Variants in ADCY2 observed in about 807,000 individuals in gnomAD.
The protein encoded by ADCY2 is adenylate cyclase 2, also known as adenylate cyclase type 2.
In ADCY2, 31 loss-of-function variants were observed where a neutral mutation model predicts 125.2. The observed-to-expected ratio is 0.25, with a 90% CI of 0.19 to 0.33. ADCY2 has a LOEUF of 0.33. ADCY2 is among the 10% of genes least tolerant of loss of function. ADCY2 has a pLI of 1.00. For missense variants in ADCY2, 904 were observed against 1,418.2 expected, an observed-to-expected ratio of 0.64 and a Z score of 5.82; for synonymous variants, 512 against 548.4, an observed-to-expected ratio of 0.93 and a Z score of 0.93.
rs184174801 is a variant in ADCY2 at position 7,677,665 on chromosome 5, G to T, written c.721-13026G>T. 1.1e-4 allele frequency among the ~76,000 whole-genome samples: 17 copies of T among 152,324 alleles called. 1 individual carries two copies. In the East Asian group the frequency reaches 3.1e-3, roughly 28 times the overall value. On this transcript the variant is annotated intron_variant, in intron 4 of 24. Coordinates refer to ENST00000338316, the MANE Select transcript of ADCY2 (RefSeq NM_020546.3). ...AAAGACATGTCACTGGGGCCAGCTT[G>T]TAGGGTCAGCCCACCTTCCAGCCGA...
intron 2 of ADCY2, among the ~76,000 whole-genome samples, chr5:7,451,765 T>C (rs530538220): frequency 5.3e-5 from 8 of 152,310 alleles, no homozygotes; most frequent in African/African-American, 1.7e-4. Context: ...CTTTATCCTT[T>C]TAAATTTTTT....
At chr5:7,735,414 GA>G (rs748394654) in intron 14 of ADCY2, among the ~76,000 whole-genome samples, 2 of 152,202 alleles carry the variant, frequency 1.3e-5, no homozygotes, top group Admixed American at 6.5e-5. Context: ...AATCTGAAGA[GA>G]AAAGCATTCA....
In ADCY2 at chr5:7,537,730, G is replaced by A. The variant is rs550428457; in HGVS notation, c.570+16831G>A. On this transcript the variant is annotated intron_variant, in intron 3 of 24. Transcript: ENST00000338316. ...AGCTTTCTAGTACCTGCAGAACAAA[G>A]TAGTCCACATCTCTTGGTGCGGCAT... Among the ~76,000 whole-genome samples the A allele has an allele frequency of 3.3e-5, 5 of 152,328 alleles. No individual in the cohort carries two copies. The East Asian group carries it at 9.7e-4, about 29-fold the overall frequency.
At chr5:7,503,658 A>G (rs1029600062) in intron 2 of ADCY2, among the ~76,000 whole-genome samples, 1 of 152,190 alleles carries the variant, frequency 6.6e-6, no homozygotes, top group Non-Finnish European at 1.5e-5. Flanking sequence ...ACTGTTGCAC[A>G]GTTATGTCAG....
intron 7 of ADCY2, among the ~76,000 whole-genome samples, chr5:7,702,516 A>T (rs1329281893): frequency 6.6e-6 from 1 of 151,970 alleles, no homozygotes; most frequent in Non-Finnish European, 1.5e-5. Flanking sequence ...GCTGAGAATG[A>T]TGGTTTCCAG....
At chr5:7,537,810 C>T (rs1561081028) in intron 3 of ADCY2, among the ~76,000 whole-genome samples, 1 of 152,198 alleles carries the variant, frequency 6.6e-6, no homozygotes, top group African/African-American at 2.4e-5. Flanking sequence ...CCCTCCCTTC[C>T]CTTGCATGGA....
chr5:7,769,912 C>T (rs916345684), intron 17 of ADCY2, among the ~76,000 whole-genome samples: 3 of 152,180 alleles, frequency 2.0e-5, no homozygotes, highest in Non-Finnish European at 4.4e-5. Context: ...TAAGTACACT[C>T]CAATAGAAGT....
At chr5:7,403,849 C>T (rs2111444418) in intron 1 of ADCY2, among the ~76,000 whole-genome samples, 1 of 151,834 alleles carries the variant, frequency 6.6e-6, no homozygotes, top group South Asian at 2.1e-4. Flanking sequence ...TGTCATATAT[C>T]AAAATTCTAC....
At chr5:7,444,843 T>G (rs1051284317) in intron 2 of ADCY2, among the ~76,000 whole-genome samples, 6 of 152,114 alleles carry the variant, frequency 3.9e-5, no homozygotes, top group Non-Finnish European at 7.4e-5. Flanking sequence ...TTGATTTGCA[T>G]TTTGTTTGTT....
chr5:7,823,364 G>A (rs931773374), intron 24 of ADCY2, among the ~76,000 whole-genome samples: 1 of 152,204 alleles, frequency 6.6e-6, no homozygotes, highest in African/African-American at 2.4e-5. Context: ...CCCCTCTCAT[G>A]CTAGGGTGCA....
intron 2 of ADCY2, among the ~76,000 whole-genome samples, chr5:7,489,590 T>C (rs1219775453): frequency 6.6e-6 from 1 of 152,152 alleles, no homozygotes. Flanking sequence ...ATGTAAGACA[T>C]TCCTTTGCTC....
intron 1 of ADCY2, among the ~76,000 whole-genome samples, chr5:7,413,599 G>T (rs1479831128): frequency 2.0e-5 from 3 of 147,924 alleles, no homozygotes; most frequent in African/African-American, 7.4e-5. Flanking sequence ...CACCCGGCCG[G>T]TTTTTTTTTT....
intron 24 of ADCY2, among the ~76,000 whole-genome samples, chr5:7,825,581 A>G (rs964158189): frequency 2.0e-5 from 3 of 152,168 alleles, no homozygotes; most frequent in African/African-American, 4.8e-5. Flanking sequence ...CCTTTTTCTC[A>G]TGGTTCCAAA....
intron 3 of ADCY2, among the ~76,000 whole-genome samples, chr5:7,570,622 A>C (rs922333809): frequency 1.4e-4 from 5 of 36,934 alleles, no homozygotes; most frequent in African/African-American, 5.3e-4. Flanking sequence ...TCAAGGGACA[A>C]AAAAAAAAAA....
At chr5:7,816,653 G>A (rs780500454) in intron 22 of ADCY2, among the ~76,000 whole-genome samples, 1 of 152,236 alleles carries the variant, frequency 6.6e-6, no homozygotes, top group Admixed American at 6.5e-5. Flanking sequence ...CCTGAGACAC[G>A]GAAGTCAGTG....
At chr5:7,692,910 C>T (rs749276123) in intron 5 of ADCY2, among the ~76,000 whole-genome samples, 6 of 152,276 alleles carry the variant, frequency 3.9e-5, no homozygotes, top group African/African-American at 7.2e-5. Context: ...TGCTCATACA[C>T]AGGCCTCAAC....
In ADCY2 at chr5:7,727,161, C is replaced by T. The variant is rs1470164512; in HGVS notation, c.1774-3C>T. 1.2e-6 allele frequency: 2 copies of T among 1,612,534 alleles called. No homozygotes were observed. The highest frequency in any genetic ancestry group is 3.3e-5 in the Admixed American group (2 of 59,912). Reference sequence around the variant, plus strand: ...CACTCACAGGTTCCTTTCTCCCCCTCAGTACCGGGCCACGGCACTGCCAGC... The same window carrying T: ...CACTCACAGGTTCCTTTCTCCCCCTTAGTACCGGGCCACGGCACTGCCAGC... On this transcript the variant is annotated splice_polypyrimidine_tract_variant and splice_region_variant and intron_variant, in intron 13 of 24. Transcript: ENST00000338316.
intron 2 of ADCY2, among the ~76,000 whole-genome samples, chr5:7,457,522 T>G (rs973965258): frequency 5.9e-5 from 9 of 152,154 alleles, no homozygotes; most frequent in Non-Finnish European, 7.4e-5. Context: ...TTCTGTCCTT[T>G]TCTGTTGACT....
intron 2 of ADCY2, among the ~76,000 whole-genome samples, chr5:7,421,997 CAT>C (rs1740223113): frequency 6.6e-6 from 1 of 152,150 alleles, no homozygotes; most frequent in Non-Finnish European, 1.5e-5. Context: ...GCTGTCAAGG[CAT>C]GTTAGCATGC....
Sources: allele counts gnomAD v4.1 joint callset (sites outside exome capture counted in the v4.1 genomes callset), GRCh38; gene constraint gnomAD v4.1.1; transcripts MANE v1.5; gene names NCBI Gene and HGNC (gene_info 2026-07-23, HGNC 2026-07-21).